Variants in SCN3A observed in about 807,000 individuals in gnomAD.
SCN3A encodes sodium channel protein type 3 subunit alpha.
SCN3A carries 60 observed loss-of-function variants against 187.6 expected under a neutral mutation model. The ratio of observed to expected loss-of-function variants is 0.32; its 90% CI spans 0.26 to 0.40. The LOEUF is 0.40. Ranked by LOEUF, SCN3A falls within the 10% of genes least tolerant of loss-of-function variation. SCN3A has a pLI of 1.00. For missense variants in SCN3A, 1,601 were observed against 2,428.2 expected, an observed-to-expected ratio of 0.66 and a Z score of 7.16; for synonymous variants, 788 against 829.2, an observed-to-expected ratio of 0.95 and a Z score of 0.85.
In SCN3A at chr2:165,139,621, T is replaced by A. The variant is rs1687879009; in HGVS notation, c.2020-13A>T. 1.2e-6 allele frequency: 2 copies of A among 1,613,728 alleles called. No individual in the cohort carries two copies. The highest frequency in any genetic ancestry group is 2.2e-5 in the South Asian group (2 of 91,084). ...CTGTGGTGGTGCCCTGCAAACCAAA[T>A]ACTGATGGCTCAAACCACTCTTCCC... On this transcript the variant is annotated splice_polypyrimidine_tract_variant and intron_variant, in intron 13 of 27. Transcript: ENST00000283254.
chr2:165,121,103 G>A (rs1686653876), intron 18 of SCN3A, among the ~76,000 whole-genome samples: 1 of 150,188 alleles, frequency 6.7e-6, no homozygotes, highest in African/African-American at 2.5e-5. Flanking sequence ...AAAGCACCAA[G>A]ACCATCTTTA....
chr2:165,113,047 A>G lies in SCN3A; in HGVS notation c.3681T>C (p.Asp1227=), dbSNP rs754880707. Residue 1227 remains aspartate, a synonymous_variant, in exon 21 of 28, where the codon GAT becomes GAC. Coordinates refer to ENST00000283254, the MANE Select transcript of SCN3A (RefSeq NM_006922.4). The part of the protein sequence containing the change: ...LLSSGALAFE[D]IYIEQRKTIK... The stretch of plus-strand genomic sequence containing the variant: ...TAGTCTTTCGCTGTTCAATGTATAT[A>G]TCTTCAAAGGCCTATGAATCAAAAA... The G allele has an allele frequency of 1.2e-6, 2 of 1,611,454 alleles. No homozygotes were observed. Among genetic ancestry groups the G allele is most frequent in the Middle Eastern group, 1.6e-4 (1 of 6,078 alleles).
chr2:165,121,581 T>G (rs1550386), intron 18 of SCN3A, among the ~76,000 whole-genome samples: 5 of 152,196 alleles, frequency 3.3e-5, no homozygotes, highest in African/African-American at 1.2e-4. Flanking sequence ...TATTTCTCAT[T>G]TTTTTTGCAT....
At chr2:165,155,050 C>G (rs1688934856) in intron 10 of SCN3A, among the ~76,000 whole-genome samples, 3 of 152,156 alleles carry the variant, frequency 2.0e-5, no homozygotes, top group African/African-American at 4.8e-5. Flanking sequence ...TTGCTCCCCT[C>G]CCCTTCTAGT....
At chr2:165,141,442 A>G (rs1361330630) in intron 12 of SCN3A, among the ~76,000 whole-genome samples, 1 of 152,232 alleles carries the variant, frequency 6.6e-6, no homozygotes, top group African/African-American at 2.4e-5. Flanking sequence ...TGTTAGCTCA[A>G]ATTTAAAATA....
intron 2 of SCN3A, among the ~76,000 whole-genome samples, chr2:165,177,526 T>C (rs1433220064): frequency 6.6e-6 from 1 of 152,252 alleles, no homozygotes; most frequent in Non-Finnish European, 1.5e-5. Flanking sequence ...CCCTCTTTTA[T>C]GGTTTCAGGC....
chr2:165,142,404 T>C (rs1402531082), intron 12 of SCN3A, among the ~76,000 whole-genome samples: 2 of 152,188 alleles, frequency 1.3e-5, no homozygotes, highest in Non-Finnish European at 2.9e-5. Flanking sequence ...ATCTTTGTTG[T>C]CCTCTGTCTC....
chr2:165,134,983 T>C (rs1045498998), intron 15 of SCN3A, among the ~76,000 whole-genome samples: 6 of 152,080 alleles, frequency 3.9e-5, no homozygotes, highest in Admixed American at 1.3e-4. Flanking sequence ...AACTTTTCAT[T>C]AAAAATAATA....
At chr2:165,153,987 ATTT>A (rs71393659) in intron 11 of SCN3A, among the ~76,000 whole-genome samples, 20 of 92,754 alleles carry the variant, frequency 2.2e-4, no homozygotes, top group South Asian at 4.1e-4. Context: ...TATAGCAAAC[ATTT>A]TTTTTTTTTT....
At chr2:165,117,585 TAGTTA>T (rs777943177) in intron 18 of SCN3A, among the ~76,000 whole-genome samples, 9 of 152,186 alleles carry the variant, frequency 5.9e-5, no homozygotes, top group African/African-American at 1.9e-4. Context: ...AGACACTGAA[TAGTTA>T]AGTTGAGTTC....
rs138350988 is a variant in SCN3A, at chr2:165,138,089, C to T, written c.2181G>A (p.Pro727=). The change falls in exon 15 of 28, where the codon CCG becomes CCA. Residue 727 remains proline (P), a synonymous_variant. Coordinates refer to ENST00000283254, the MANE Select transcript of SCN3A (RefSeq NM_006922.4). Reference sequence around the variant, plus strand: ...CATTGGCAAATCTATACCAGCATGGCGGACATTTCTGTCTAGATTCTTCAA... The same window carrying T: ...CATTGGCAAATCTATACCAGCATGGTGGACATTTCTGTCTAGATTCTTCAA... The part of the protein sequence containing the change: ...EELEESRQKC[P]PCWYRFANVF... The T allele has an allele frequency of 7.6e-5, 123 of 1,613,200 alleles. No homozygotes were observed. The highest frequency in any genetic ancestry group is 2.5e-4 in the East Asian group (11 of 44,858).
intron 11 of SCN3A, among the ~76,000 whole-genome samples, chr2:165,152,094 C>G (rs1315632791): frequency 2.0e-5 from 3 of 151,926 alleles, no homozygotes; most frequent in African/African-American, 7.3e-5. Flanking sequence ...TATGGGAATA[C>G]AAAAATATCC....
chr2:165,088,240 A>G lies in SCN3A; in HGVS notation c.*1910T>C, dbSNP rs1684924026. On this transcript the variant is annotated 3_prime_UTR_variant, in exon 28 of 28. Coordinates refer to ENST00000283254, the MANE Select transcript of SCN3A (RefSeq NM_006922.4). ...CCTGCATGCAGTTCTTCAATACACT[A>G]CAGTAAATAGTTTTGTAAAAAGAAT... The G allele has an allele frequency of 6.6e-6, 1 of 152,532 alleles. No individual in the cohort carries two copies. The highest frequency in any genetic ancestry group is 1.5e-5 in the Non-Finnish European group (1 of 67,962). 9.4% of individuals were successfully genotyped at this position (152,532 alleles called of 1,614,324 possible).
At position 165,188,484 on chromosome 2, in the gene SCN3A, A is replaced by G. The variant is rs1283248991; in HGVS notation, c.-247-1737T>C. Among the ~76,000 whole-genome samples the G allele has an allele frequency of 3.3e-5, 5 of 152,286 alleles. No homozygotes were observed. The East Asian group carries it at 9.6e-4, about 29-fold the overall frequency. On this transcript the variant is annotated intron_variant, in intron 1 of 27. Coordinates refer to ENST00000283254, the MANE Select transcript of SCN3A (RefSeq NM_006922.4). The stretch of plus-strand genomic sequence containing the variant: ...TGGACTCTAAGCAATTCTGAACTTC[A>G]GTGAGCATAAGAATCACCTGTGCAG...
chr2:165,165,712 G>C (rs1456618155), intron 5 of SCN3A, among the ~76,000 whole-genome samples: 1 of 152,076 alleles, frequency 6.6e-6, no homozygotes, highest in Non-Finnish European at 1.5e-5. Context: ...AGATTTTTCA[G>C]CCTACCAGTA....
chr2:165,122,626 T>G (rs1415030048), intron 18 of SCN3A, among the ~76,000 whole-genome samples: 1 of 152,178 alleles, frequency 6.6e-6, no homozygotes, highest in African/African-American at 2.4e-5. Flanking sequence ...ATTAGCAGAA[T>G]TAAATATGAT....
intron 1 of SCN3A, among the ~76,000 whole-genome samples, chr2:165,203,308 CAGATTTTAG>C (rs1692435982): frequency 6.6e-6 from 1 of 151,850 alleles, no homozygotes. Flanking sequence ...TCTATGAAAA[CAGATTTTAG>C]AGAAAAATGA....
At chr2:165,201,544 C>T (rs563432575) in intron 1 of SCN3A, among the ~76,000 whole-genome samples, 1 of 152,116 alleles carries the variant, frequency 6.6e-6, no homozygotes, top group South Asian at 2.1e-4. Flanking sequence ...AAGCACTGAA[C>T]AGACATTATT....
At chr2:165,139,797 C>T (rs1687892784) in intron 13 of SCN3A, 189 bp from the exon 14 acceptor site, 2 of 622,562 alleles carry the variant, frequency 3.2e-6, no homozygotes, top group East Asian at 5.9e-5. Context: ...AGGTAGTACT[C>T]TTTAAGAGGA....
Sources: gnomAD v4.1 joint callset for allele counts (sites outside exome capture counted in the v4.1 genomes callset) on GRCh38, gnomAD v4.1.1 for gene constraint, MANE v1.5 for transcripts, NCBI Gene and HGNC (gene_info 2026-07-23, HGNC 2026-07-21) for gene names.